MYO1F: variants seen among roughly 807,000 people sequenced by gnomAD.
MYO1F encodes myosin IF.
In MYO1F, 60 loss-of-function variants were observed where a neutral mutation model predicts 146.6. The observed-to-expected ratio is 0.41, with a 90% confidence interval of 0.33 to 0.51. The LOEUF is 0.51. Among genes scored for constraint, MYO1F ranks in the 20% least tolerant of loss-of-function variants. MYO1F has a pLI of 0.25. For synonymous variants in MYO1F, 602 were observed against 602.1 expected, an observed-to-expected ratio of 1.00 and a Z score of 0.00; for missense variants, 1,274 against 1,534.3, an observed-to-expected ratio of 0.83 and a Z score of 2.83.
In MYO1F at chr19:8,522,423, G is replaced by A. The variant is rs187225042; in HGVS notation, c.3174C>T (p.Asp1058=). 693 of 1,614,148 alleles carry A rather than the reference G, an allele frequency of 4.3e-4. 2 individuals carry two copies. In the African/African-American group the frequency reaches 8.1e-3, roughly 19 times the overall value. ...ALYQYVGQDV[D]ELSFNVNEVI... ...CCTCGTTCACGTTGAAGCTCAGCTC[G>A]TCCACATCTTGGCCCACGTACTGGT... The change falls in exon 27 of 28, where the codon GAC becomes GAT. Residue 1058 remains aspartate (D), a synonymous_variant. Coordinates refer to ENST00000644032, the MANE Select transcript of MYO1F (RefSeq NM_012335.4).
intron 1 of MYO1F, among the ~76,000 whole-genome samples, chr19:8,560,211 G>A (rs1217315761): frequency 1.3e-5 from 2 of 152,034 alleles, no homozygotes; most frequent in East Asian, 1.9e-4. Flanking sequence ...TTGGCTGGGC[G>A]CGGTGGCTCA....
chr19:8,550,869 G>A (rs1454188259), intron 8 of MYO1F, among the ~76,000 whole-genome samples, 175 bp from the exon 9 acceptor site: 2 of 151,980 alleles, frequency 1.3e-5, no homozygotes, highest in East Asian at 3.9e-4. Context: ...ACCTCTCTGG[G>A]CTTTGTTTTT....
chr19:8,531,342 C>T (rs1972478855), intron 19 of MYO1F, among the ~76,000 whole-genome samples: 2 of 152,072 alleles, frequency 1.3e-5, no homozygotes, highest in Admixed American at 6.6e-5. Context: ...AGCAAAACTT[C>T]ATCTCAAAAA....
intron 1 of MYO1F, among the ~76,000 whole-genome samples, chr19:8,566,202 T>C (rs1390437089): frequency 1.2e-4 from 17 of 147,464 alleles, no homozygotes; most frequent in African/African-American, 4.0e-4. Context: ...GAGTCTTGCT[T>C]TCTCGCCCAG....
intron 7 of MYO1F, 57 bp downstream of exon 7, chr19:8,551,976 T>C: frequency 6.2e-7 from 1 of 1,613,806 alleles, no homozygotes; most frequent in South Asian, 1.1e-5. Flanking sequence ...ACCTTCCCAT[T>C]GTCCACCCCG....
intron 19 of MYO1F, among the ~76,000 whole-genome samples, chr19:8,532,901 A>ATAC (rs1555720422): frequency 0.015 from 734 of 47,798 alleles, 5 homozygotes; most frequent in African/African-American, 0.054. Context: ...AAAAAAAAAA[A>ATAC]ATACACACAC....
chr19:8,556,470 C>T (rs947547706), intron 1 of MYO1F, among the ~76,000 whole-genome samples: 7 of 137,280 alleles, frequency 5.1e-5, no homozygotes, highest in South Asian at 2.2e-4. Flanking sequence ...AGCGAGGCCC[C>T]GTCTCTATAA....
At chr19:8,569,142 GC>G (rs1440418443) in intron 1 of MYO1F, among the ~76,000 whole-genome samples, 3 of 152,144 alleles carry the variant, frequency 2.0e-5, no homozygotes, top group African/African-American at 7.2e-5. Context: ...GGATGAGACT[GC>G]CCCCTGCCCT....
chr19:8,561,615 C>T (rs974161026), intron 1 of MYO1F, among the ~76,000 whole-genome samples: 2 of 129,492 alleles, frequency 1.5e-5, no homozygotes, highest in Non-Finnish European at 3.1e-5. Context: ...TTTTCTTTCT[C>T]TCTTTCTTTC....
Position 8,526,923 on chromosome 19 carries a change from G to A in MYO1F, c.2487C>T (p.Asp829=), listed in dbSNP as rs976301325. ...CATCCTCTTGGAGGATGAAGAAGTCGTCCTGTCGCGTGCTGGGGAGGGGCG... is the reference window on the plus strand; with the variant it reads ...CATCCTCTTGGAGGATGAAGAAGTCATCCTGTCGCGTGCTGGGGAGGGGCG... ...LRGVSLSTRQ[D]DFFILQEDAA... The change falls in exon 23 of 28, where the codon GAC becomes GAT. Residue 829 remains aspartate, a synonymous_variant. Coordinates refer to ENST00000644032, the MANE Select transcript of MYO1F (RefSeq NM_012335.4). 6.2e-7 allele frequency: 1 copy of A among 1,613,944 alleles called. No individual in the cohort carries two copies. The highest frequency in any genetic ancestry group is 1.1e-5 in the South Asian group (1 of 91,082).
intron 10 of MYO1F, 56 bp downstream of exon 10, chr19:8,550,104 T>C: frequency 6.3e-7 from 1 of 1,591,626 alleles, no homozygotes; most frequent in Admixed American, 1.7e-5. Context: ...TCAGCTTCCA[T>C]AAATGTTTGT....
At position 8,545,679 on chromosome 19, in the gene MYO1F, C is replaced by T; in HGVS notation, c.1327G>A (p.Val443Ile). 1 of 1,614,110 alleles carries T rather than the reference C, an allele frequency of 6.2e-7. No individual in the cohort carries two copies. The highest frequency in any genetic ancestry group is 8.5e-7 in the Non-Finnish European group (1 of 1,180,016). ...TTGTTTTCGATGAGGTCACAGACGA[C>T]CTTGTTGTTGAAGTACTGGATTGGA... ...WTPIQYFNNK[V>I]VCDLIENKLS... The change falls in exon 13 of 28, where the codon GTC becomes ATC. Residue 443 changes from valine to isoleucine, a missense_variant. Val to Ile is a conservative substitution (Grantham distance 29, BLOSUM62 3). Coordinates refer to ENST00000644032, the MANE Select transcript of MYO1F (RefSeq NM_012335.4).
rs1973044235 is a variant in MYO1F, at chr19:8,542,920, G to T, written c.1525-929C>A. Reference sequence around the variant, plus strand: ...ACCCGGCCCTGTTTGCTTTTGTTTTGTGAGATGGAGTCTTGCTCTGTTGCT... The same window carrying T: ...ACCCGGCCCTGTTTGCTTTTGTTTTTTGAGATGGAGTCTTGCTCTGTTGCT... On this transcript the variant is annotated intron_variant, in intron 14 of 27. Transcript: ENST00000644032. Among the ~76,000 whole-genome samples the T allele has an allele frequency of 2.0e-5, 3 of 150,804 alleles. No individual in the cohort carries two copies. In the South Asian group the frequency reaches 6.3e-4, roughly 32 times the overall value.
At chr19:8,537,697 G>C (rs1173922493) in intron 16 of MYO1F, among the ~76,000 whole-genome samples, 1 of 152,082 alleles carries the variant, frequency 6.6e-6, no homozygotes, top group Non-Finnish European at 1.5e-5. Flanking sequence ...GGCTCCCAAG[G>C]TGTTGGGATT....
Position 8,521,552 on chromosome 19 carries a change from T to C in MYO1F, c.3273A>G (p.Pro1091=), listed in dbSNP as rs779911108. 10 of 1,614,036 alleles carry C rather than the reference T, an allele frequency of 6.2e-6. No individual in the cohort carries two copies. Among genetic ancestry groups the C allele is most frequent in the Non-Finnish European group, 8.5e-6 (10 of 1,180,030 alleles). Residue 1091 remains proline, a synonymous_variant, in exon 28 of 28, where the codon CCA becomes CCG. Transcript: ENST00000644032. The part of the protein sequence containing the change: ...GRLHGQEGLF[P]GNYVEKI ...CTCAGATCTTCTCCACGTAGTTTCCTGGGAAAAGGCCCTCCTGGCCGTGAA... is the reference window on the plus strand; with the variant it reads ...CTCAGATCTTCTCCACGTAGTTTCCCGGGAAAAGGCCCTCCTGGCCGTGAA...
At chr19:8,563,364 C>T (rs2041941756) in intron 1 of MYO1F, among the ~76,000 whole-genome samples, 1 of 146,644 alleles carries the variant, frequency 6.8e-6, no homozygotes, top group Non-Finnish European at 1.5e-5. Context: ...GTGGTGAGAT[C>T]TCAGCTCACT....
intron 4 of MYO1F, among the ~76,000 whole-genome samples, 190 bp from the exon 5 acceptor site, chr19:8,553,627 C>T (rs1973707495): frequency 6.6e-6 from 1 of 152,020 alleles, no homozygotes; most frequent in Non-Finnish European, 1.5e-5. Context: ...AATCCCAGCA[C>T]TTTGGGAGCC....
chr19:8,551,553 C>T (rs545084067), intron 8 of MYO1F, 187 bp downstream of exon 8: 160 of 729,444 alleles, frequency 2.2e-4, no homozygotes, highest in African/African-American at 8.0e-4. Flanking sequence ...GGTTTAACCA[C>T]GTTGGCCAGG....
rs774935688 is a variant in MYO1F, at chr19:8,550,342, C to T, written c.919G>A (p.Ala307Thr). Reference protein sequence around the residue: ...VESVDLLAFPAYLLGIDSGRL... With the variant: ...VESVDLLAFPTYLLGIDSGRL... ...CCGCTGTCAATGCCCAGCAGGTAGGCGGGAAAGGCCAGGACTACCAGGGCA... is the reference window on the plus strand; with the variant it reads ...CCGCTGTCAATGCCCAGCAGGTAGGTGGGAAAGGCCAGGACTACCAGGGCA... The change falls in exon 10 of 28, where the codon GCC becomes ACC. Residue 307 changes from alanine (A) to threonine (T), a missense_variant. Around this residue, in one of 2 missense-constraint regions of MYO1F, gnomAD observed 900 missense variants for 1,155.1 expected, o/e 0.78. Transcript: ENST00000644032. The T allele has an allele frequency of 6.6e-5, 107 of 1,612,128 alleles. No homozygotes were observed. Among genetic ancestry groups the T allele is most frequent in the South Asian group, 1.2e-4 (11 of 90,834 alleles).
Sources: gnomAD v4.1 joint callset for allele counts (sites outside exome capture counted in the v4.1 genomes callset) on GRCh38, gnomAD v4.1.1 for gene constraint, gnomAD v4.1.1 regional missense constraint, MANE v1.5 for transcripts, NCBI Gene and HGNC (gene_info 2026-07-23, HGNC 2026-07-21) for gene names.